The following IL1RAPL1 variants were observed in gnomAD, a reference collection of about 807,000 sequenced individuals.
IL1RAPL1 encodes interleukin-1 receptor accessory protein-like 1.
IL1RAPL1 carries 3 observed loss-of-function variants against 48.4 expected under a neutral mutation model. The ratio of observed to expected loss-of-function variants is 0.06; its 90% CI spans 0.03 to 0.16. The LOEUF is 0.16. Among genes scored for constraint, IL1RAPL1 ranks in the 10% least tolerant of loss-of-function variants. The probability of loss-of-function intolerance (pLI) is 1.00; values close to 1 mark genes in which losing one functional copy is unlikely to be tolerated. For missense variants in IL1RAPL1, 349 were observed against 530.6 expected, an observed-to-expected ratio of 0.66 and a Z score of 3.36; for synonymous variants, 185 against 187.7, an observed-to-expected ratio of 0.99 and a Z score of 0.12.
intron 2 of IL1RAPL1, among the ~76,000 whole-genome samples, chrX:29,226,748 T>C (rs755479202): frequency 1.2e-5 from 1 of 83,470 alleles, no homozygotes; most frequent in Admixed American, 1.2e-4. Flanking sequence ...CGTCCATTTT[T>C]AACAGATGAA....
intron 1 of IL1RAPL1, among the ~76,000 whole-genome samples, chrX:28,699,811 G>T (rs1935274966): frequency 8.9e-6 from 1 of 111,881 alleles, no homozygotes; most frequent in South Asian, 3.7e-4. Context: ...AGTAGCAGAT[G>T]AATACTTAGA....
intron 2 of IL1RAPL1, among the ~76,000 whole-genome samples, chrX:29,262,210 G>A (rs1199470889): frequency 1.8e-5 from 2 of 112,341 alleles, no homozygotes; most frequent in African/African-American, 6.5e-5. Context: ...ATACATTGTA[G>A]TTACTATTAT....
intron 1 of IL1RAPL1, among the ~76,000 whole-genome samples, chrX:28,590,555 G>A (rs971615860): frequency 3.6e-5 from 4 of 111,309 alleles, no homozygotes; most frequent in African/African-American, 1.3e-4. Context: ...TGGATTGGGA[G>A]GTTTGGCGTT....
chrX:29,026,404 A>G (rs1453713196), intron 2 of IL1RAPL1, among the ~76,000 whole-genome samples: 4 of 111,061 alleles, frequency 3.6e-5, no homozygotes, highest in Non-Finnish European at 7.5e-5. Context: ...TTCACACACC[A>G]GGGCCAGTTG....
intron 2 of IL1RAPL1, among the ~76,000 whole-genome samples, chrX:29,246,098 G>GTAGATACAC (rs1931506516): frequency 9.8e-6 from 1 of 101,986 alleles, no homozygotes; most frequent in South Asian, 4.6e-4. Context: ...GTGCTTTTGT[G>GTAGATACAC]TAGATACAAG....
At chrX:29,642,479 C>T (rs1436152878) in intron 5 of IL1RAPL1, among the ~76,000 whole-genome samples, 1 of 112,298 alleles carries the variant, frequency 8.9e-6, no homozygotes, top group Non-Finnish European at 1.9e-5. Context: ...TAACTTTTTT[C>T]AAATCTCCTC....
chrX:29,415,326 T>A (rs1934199789), intron 5 of IL1RAPL1, among the ~76,000 whole-genome samples: 1 of 112,236 alleles, frequency 8.9e-6, no homozygotes, highest in South Asian at 3.6e-4. Flanking sequence ...GATGCCTATA[T>A]CTACATGCAC....
At chrX:29,888,178 A>G (rs1470335665) in intron 6 of IL1RAPL1, among the ~76,000 whole-genome samples, 2 of 110,083 alleles carry the variant, frequency 1.8e-5, no homozygotes, top group Non-Finnish European at 3.8e-5. Flanking sequence ...ATTAAAGGTA[A>G]ACTTTTTGAG....
chrX:29,777,404 T>C (rs1166041244), intron 6 of IL1RAPL1, among the ~76,000 whole-genome samples: 4 of 112,292 alleles, frequency 3.6e-5, no homozygotes, highest in African/African-American at 1.3e-4. Flanking sequence ...TTTGTCATTG[T>C]CTATGTTGAT....
At chrX:29,851,512 G>T (rs1436032504) in intron 6 of IL1RAPL1, among the ~76,000 whole-genome samples, 1 of 112,079 alleles carries the variant, frequency 8.9e-6, no homozygotes, top group Non-Finnish European at 1.9e-5. Flanking sequence ...ATTTCAACTG[G>T]TTTATCATAC....
intron 3 of IL1RAPL1, among the ~76,000 whole-genome samples, chrX:29,368,736 A>ATGTGTG (rs376272672): frequency 1.9e-5 from 2 of 103,693 alleles, no homozygotes; most frequent in Non-Finnish European, 2.0e-5. Flanking sequence ...GCCTCTGTGT[A>ATGTGTG]TGTGTGTGTG....
intron 2 of IL1RAPL1, among the ~76,000 whole-genome samples, chrX:29,051,042 G>A (rs191599259): frequency 1.8e-5 from 2 of 112,261 alleles, no homozygotes; most frequent in East Asian, 5.6e-4. Flanking sequence ...TTGTTTGGTA[G>A]TGGACTGTGT....
intron 1 of IL1RAPL1, among the ~76,000 whole-genome samples, chrX:28,753,808 T>C (rs779916616): frequency 9.0e-6 from 1 of 111,625 alleles, no homozygotes; most frequent in African/African-American, 3.2e-5. Context: ...TGCCAACCAA[T>C]GATTCACCCA....
chrX:29,913,486 C>G (rs1569201613), intron 6 of IL1RAPL1, among the ~76,000 whole-genome samples: 1 of 104,978 alleles, frequency 9.5e-6, no homozygotes, highest in Non-Finnish European at 2.0e-5. Flanking sequence ...ATATTTTCTG[C>G]CTTAACAGGA....
intron 5 of IL1RAPL1, among the ~76,000 whole-genome samples, chrX:29,574,074 G>A (rs935950527): frequency 2.7e-5 from 3 of 110,223 alleles, no homozygotes; most frequent in African/African-American, 9.9e-5. Flanking sequence ...TTGTCTCATG[G>A]TTCCACAGAC....
intron 1 of IL1RAPL1, among the ~76,000 whole-genome samples, chrX:28,654,339 T>G (rs2146905563): frequency 9.0e-6 from 1 of 111,332 alleles, no homozygotes; most frequent in South Asian, 3.8e-4. Flanking sequence ...CTATTTCTTT[T>G]TAAGCAATAA....
chrX:29,208,796 A>G (rs1243763832), intron 2 of IL1RAPL1, among the ~76,000 whole-genome samples: 1 of 110,229 alleles, frequency 9.1e-6, no homozygotes, highest in Non-Finnish European at 1.9e-5. Flanking sequence ...CTCAGAGTAT[A>G]GGAAGAATAC....
intron 2 of IL1RAPL1, among the ~76,000 whole-genome samples, chrX:28,950,709 T>C (rs1301820571): frequency 2.8e-5 from 3 of 108,122 alleles, no homozygotes; most frequent in Non-Finnish European, 3.8e-5. Context: ...TGGAAGTCAG[T>C]GTGGCGATTC....
chrX:29,036,214 A>G (rs777315257), intron 2 of IL1RAPL1, among the ~76,000 whole-genome samples: 1 of 112,501 alleles, frequency 8.9e-6, no homozygotes, highest in African/African-American at 3.2e-5. Context: ...TAAAGAACAC[A>G]TGCCATCTTC....
Sources: allele counts gnomAD v4.1 joint callset (sites outside exome capture counted in the v4.1 genomes callset), GRCh38; gene constraint gnomAD v4.1.1; transcripts MANE v1.5; gene names NCBI Gene and HGNC (gene_info 2026-07-23, HGNC 2026-07-21).